The following SLF2 variants were observed in gnomAD, a reference collection of about 807,000 sequenced individuals.
SLF2 encodes SMC5/6 complex localization factor 2.
In SLF2, 68 loss-of-function variants were observed where a neutral mutation model predicts 124.3. The ratio of observed to expected loss-of-function variants is 0.55; its 90% CI spans 0.45 to 0.67. The LOEUF (loss-of-function observed/expected upper bound fraction) is 0.67. Among genes scored for constraint, SLF2 ranks in the 30% least tolerant of loss-of-function variants. SLF2 has a pLI of 0.00. For missense variants in SLF2, 1,246 were observed against 1,373.7 expected (o/e 0.91, Z 1.47); for synonymous variants, 480 against 478.8 (o/e 1.00, Z -0.03).
chr10:100,925,031 A>G lies in SLF2; in HGVS notation c.1971+59A>G, dbSNP rs1413490381. ...AGAGGGAAAGATGATTAATTAGTGA[A>G]AGGGGTGGATTATCGGAACTTACTT... On this transcript the variant is annotated intron_variant, in intron 5 of 19. Transcript: ENST00000238961. The G allele has an allele frequency of 4.0e-6, 6 of 1,489,340 alleles. No homozygotes were observed. In the Admixed American group the frequency reaches 1.3e-4, roughly 32 times the overall value. The allele number at this position is 1,489,340 out of a possible 1,614,324, so 92.3% of individuals were successfully genotyped here. A position where few individuals can be genotyped will look rare whatever the true frequency, so the allele number is the denominator to read the frequency against.
chr10:100,931,624 C>A (rs941998084), intron 9 of SLF2, among the ~76,000 whole-genome samples: 1 of 152,068 alleles, frequency 6.6e-6, no homozygotes, highest in Admixed American at 6.6e-5. Context: ...ATCATTGATG[C>A]TTATGTATGG....
chr10:100,949,397 A>C (rs1251266357), intron 15 of SLF2, among the ~76,000 whole-genome samples: 1 of 152,208 alleles, frequency 6.6e-6, no homozygotes, highest in Admixed American at 6.5e-5. Context: ...CTGATATTCA[A>C]GTAACAATCT....
chr10:100,935,848 T>G (rs1849839345), intron 9 of SLF2, among the ~76,000 whole-genome samples: 2 of 141,930 alleles, frequency 1.4e-5, no homozygotes, highest in South Asian at 2.2e-4. Context: ...TTTTTGGGTT[T>G]TTTTTTTTTT....
intron 11 of SLF2, among the ~76,000 whole-genome samples, chr10:100,939,154 G>A (rs904264328): frequency 3.3e-5 from 5 of 152,212 alleles, no homozygotes; most frequent in African/African-American, 1.2e-4. Flanking sequence ...AGAAAATTTG[G>A]TGTGGGTGTC....
intron 18 of SLF2, among the ~76,000 whole-genome samples, chr10:100,959,127 T>C (rs1239771982): frequency 2.0e-5 from 3 of 152,228 alleles, no homozygotes; most frequent in Non-Finnish European, 4.4e-5. Context: ...GCCAGCGAGT[T>C]AAAGTTAAGT....
chr10:100,960,011 T>C (rs1283493701), intron 19 of SLF2, among the ~76,000 whole-genome samples: 1 of 152,210 alleles, frequency 6.6e-6, no homozygotes, highest in Non-Finnish European at 1.5e-5. Flanking sequence ...TCCCTATACA[T>C]TTCCCTATTC....
intron 11 of SLF2, among the ~76,000 whole-genome samples, chr10:100,941,146 T>A (rs981158993): frequency 4.6e-5 from 7 of 152,030 alleles, no homozygotes; most frequent in African/African-American, 1.7e-4. Flanking sequence ...GGCCATCACT[T>A]TTCTTTTTTT....
intron 4 of SLF2, 100 bp from the exon 5 acceptor site, chr10:100,923,875 A>T: frequency 1.0e-6 from 1 of 952,980 alleles, no homozygotes; most frequent in African/African-American, 1.7e-5. Flanking sequence ...CTTAATACTT[A>T]GAATTTTAAA....
chr10:100,962,051 A>G lies in SLF2; in HGVS notation c.*139A>G, dbSNP rs1850435465. ...ATGTGCCACTTGAATATCTAGTATGAAGCTGGTAATGAAGAAATTGCCATT... is the reference window on the plus strand; with the variant it reads ...ATGTGCCACTTGAATATCTAGTATGGAGCTGGTAATGAAGAAATTGCCATT... On this transcript the variant is annotated 3_prime_UTR_variant, in exon 20 of 20. Transcript: ENST00000238961. 2 of 735,880 alleles carry G rather than the reference A, an allele frequency of 2.7e-6. No individual in the cohort carries two copies. Among genetic ancestry groups the G allele is most frequent in the Non-Finnish European group, 4.3e-6 (2 of 464,902 alleles). 45.6% of individuals were successfully genotyped at this position (735,880 alleles called of 1,614,324 possible).
At chr10:100,919,001 CTTTTTTTTTTTTT>C (rs528512219) in intron 4 of SLF2, among the ~76,000 whole-genome samples, 116 of 105,708 alleles carry the variant, frequency 1.1e-3, no homozygotes, top group Non-Finnish European at 1.4e-3. Context: ...GAAACATAAT[CTTTTTTTTTTTTT>C]TTTTTTTTTT....
In SLF2 at chr10:100,956,515, C is replaced by G; in HGVS notation, c.3395C>G (p.Ala1132Gly). 1.9e-6 allele frequency: 3 copies of G among 1,612,028 alleles called. No individual in the cohort carries two copies. Among genetic ancestry groups the G allele is most frequent in the Non-Finnish European group, 2.5e-6 (3 of 1,179,082 alleles). Reference protein sequence around the residue: ...KHVKCDIREDARLFYRTKVKD... With the variant: ...KHVKCDIREDGRLFYRTKVKD... ...GTTAAATGTGATATTAGGGAAGATG[C>G]AAGACTTTTTTACAGAACTAAGGTA... The change falls in exon 18 of 20, where the codon GCA becomes GGA. Residue 1132 changes from alanine to glycine, a missense_variant. Physicochemically the swap from Ala to Gly is moderately conservative, Grantham distance 60. This residue lies in a region of SLF2 where 535 missense variants were observed against 632.8 expected (regional missense o/e 0.85). Transcript: ENST00000238961.
At position 100,963,992 on chromosome 10, in the gene SLF2, C is replaced by G. The variant is rs1850469635; in HGVS notation, c.*2080C>G. 1 of 152,498 alleles carries G rather than the reference C, an allele frequency of 6.6e-6. No homozygotes were observed. Among genetic ancestry groups the G allele is most frequent in the African/African-American group, 2.4e-5 (1 of 41,384 alleles). 9.4% of individuals were successfully genotyped at this position (152,498 alleles called of 1,614,324 possible). A position where few individuals can be genotyped will look rare whatever the true frequency, so the allele number is the denominator to read the frequency against. On this transcript the variant is annotated 3_prime_UTR_variant, in exon 20 of 20. Transcript: ENST00000238961. The stretch of plus-strand genomic sequence containing the variant: ...AGTTTAGGCCCTTGTATTTATGACT[C>G]TGGTAGAGGTCTTCAGACTCCAGGT...
intron 17 of SLF2, among the ~76,000 whole-genome samples, chr10:100,953,610 A>G (rs1327692964): frequency 6.6e-6 from 1 of 151,962 alleles, no homozygotes; most frequent in Non-Finnish European, 1.5e-5. Context: ...ACAAAAATGT[A>G]ATCATAGTAT....
intron 3 of SLF2, among the ~76,000 whole-genome samples, chr10:100,917,661 C>G (rs983539758): frequency 1.3e-5 from 2 of 152,186 alleles, no homozygotes; most frequent in African/African-American, 4.8e-5. Flanking sequence ...ATTGCAGTCT[C>G]AAACTCCTGG....
intron 6 of SLF2, among the ~76,000 whole-genome samples, chr10:100,928,849 G>C (rs1849669615): frequency 6.6e-6 from 1 of 152,200 alleles, no homozygotes; most frequent in Non-Finnish European, 1.5e-5. Flanking sequence ...AATGTTAGGT[G>C]TTGTGATGAT....
intron 17 of SLF2, among the ~76,000 whole-genome samples, chr10:100,954,130 G>T (rs995244453): frequency 6.6e-6 from 1 of 151,930 alleles, no homozygotes; most frequent in African/African-American, 2.4e-5. Flanking sequence ...GGTGATGCAT[G>T]CCTGTAGTCC....
At chr10:100,938,988 T>C (rs766061116) in intron 11 of SLF2, among the ~76,000 whole-genome samples, 2 of 152,202 alleles carry the variant, frequency 1.3e-5, no homozygotes, top group Non-Finnish European at 2.9e-5. Context: ...TATTTAACAT[T>C]GTTTTGGTGG....
chr10:100,956,546 G>A lies in SLF2; in HGVS notation c.3417+9G>A, dbSNP rs1564785939. 6.4e-7 allele frequency: 1 copy of A among 1,556,284 alleles called. No homozygotes were observed. Among genetic ancestry groups the A allele is most frequent in the African/African-American group, 1.4e-5 (1 of 71,550 alleles). ...TTTTTTACAGAACTAAGGTAAGTGT[G>A]TTCTTTCTTTTTTTCTTTTTTTTTT... is the stretch of plus-strand genomic sequence containing the variant. On this transcript the variant is annotated intron_variant, in intron 18 of 19. Coordinates refer to ENST00000238961, the MANE Select transcript of SLF2 (RefSeq NM_018121.4).
At chr10:100,923,308 G>A (rs1344814140) in intron 4 of SLF2, among the ~76,000 whole-genome samples, 1 of 152,160 alleles carries the variant, frequency 6.6e-6, no homozygotes, top group African/African-American at 2.4e-5. Flanking sequence ...CTCTAGGGGA[G>A]AATACTTCCT....
Sources: allele counts gnomAD v4.1 joint callset (sites outside exome capture counted in the v4.1 genomes callset), GRCh38; gene constraint gnomAD v4.1.1; regional missense constraint gnomAD v4.1.1; transcripts MANE v1.5; gene names NCBI Gene and HGNC (gene_info 2026-07-23, HGNC 2026-07-21).